The following PYGL variants were observed in gnomAD, a reference collection of about 807,000 sequenced individuals.
PYGL encodes glycogen phosphorylase, liver form.
A neutral mutation model predicts 100.1 loss-of-function variants in PYGL; 90 were observed. That is an observed-to-expected ratio of 0.90 (90% CI 0.76 to 1.07). The LOEUF (loss-of-function observed/expected upper bound fraction) is 1.07, where lower values mean the gene tolerates loss of function less well. Ranked by LOEUF, PYGL falls within the 50% of genes least tolerant of loss-of-function variation. The probability of loss-of-function intolerance (pLI) is 0.00; values close to 1 mark genes in which losing one functional copy is unlikely to be tolerated. For missense variants in PYGL, 1,016 were observed against 1,057.6 expected (o/e 0.96, Z 0.55); for synonymous variants, 373 against 393.0 (o/e 0.95, Z 0.60).
intron 4 of PYGL, among the ~76,000 whole-genome samples, chr14:50,930,361 C>T (rs149119645): frequency 0.012 from 1,879 of 152,310 alleles, 87 homozygotes; most frequent in Admixed American, 0.099. Context: ...AGACAGCATA[C>T]CTCATAAAAG....
chr14:50,914,345 A>T (rs934932409), intron 12 of PYGL, among the ~76,000 whole-genome samples: 2 of 152,088 alleles, frequency 1.3e-5, no homozygotes, highest in African/African-American at 4.8e-5. Flanking sequence ...AAAAATACAA[A>T]AATTAGCTGG....
rs747876301 is a variant in PYGL at position 50,909,848 on chromosome 14, A to AG, written c.2177+46dup. 1.5e-5 allele frequency: 24 copies of AG among 1,601,078 alleles called. No homozygotes were observed. The African/African-American group carries it at 2.1e-4, about 14-fold the overall frequency. ...AGCCCTCTGAGGTCACATACCTTCT[A>AG]GGGGGGAGGGGCAGTCCTGCCTAGC... On this transcript the variant is annotated intron_variant, in intron 17 of 19. Coordinates refer to ENST00000216392, the MANE Select transcript of PYGL (RefSeq NM_002863.5).
Position 50,922,371 on chromosome 14 carries a change from A to G in PYGL, c.661-1304T>C, listed in dbSNP as rs75070987. On this transcript the variant is annotated intron_variant, in intron 5 of 19. Transcript: ENST00000216392. ...ACATATACTCAGTCATACTTTCGTGATCACCGCGACCTCAAAGTAATAAAT... is the reference window on the plus strand; with the variant it reads ...ACATATACTCAGTCATACTTTCGTGGTCACCGCGACCTCAAAGTAATAAAT... Among the ~76,000 whole-genome samples, 1,366 of 152,290 alleles carry G rather than the reference A, an allele frequency of 9.0e-3. 38 individuals carry two copies. Among genetic ancestry groups the G allele is most frequent in the East Asian group, 0.059 (308 of 5,182 alleles).
chr14:50,908,089 G>A, intron 19 of PYGL, 182 bp downstream of exon 19: 1 of 520,002 alleles, frequency 1.9e-6, no homozygotes, highest in Non-Finnish European at 3.4e-6. Flanking sequence ...CCTGAACTTG[G>A]GAAAAGACAA....
intron 7 of PYGL, among the ~76,000 whole-genome samples, chr14:50,920,129 G>C (rs1299906768): frequency 1.3e-5 from 2 of 152,154 alleles, no homozygotes; most frequent in Non-Finnish European, 2.9e-5. Flanking sequence ...CTAGCATCAG[G>C]GCAGAGGACC....
At chr14:50,937,902 C>G (rs1337895615) in intron 1 of PYGL, 65 bp from the exon 2 acceptor site, 1 of 1,402,328 alleles carries the variant, frequency 7.1e-7, no homozygotes, top group Non-Finnish European at 1.0e-6. Context: ...CATAAAAACA[C>G]AAGGTCATGT....
chr14:50,908,962 G>C lies in PYGL; in HGVS notation c.2178-7C>G. The C allele has an allele frequency of 6.3e-7, 1 of 1,584,198 alleles. No homozygotes were observed. Among genetic ancestry groups the C allele is most frequent in the Non-Finnish European group, 8.6e-7 (1 of 1,162,962 alleles). On this transcript the variant is annotated splice_polypyrimidine_tract_variant and splice_region_variant and intron_variant, in intron 17 of 19. Transcript: ENST00000216392. ...GTATTCTTTTGCCTCGTACCTGTGG[G>C]GTAGGGGTGGGTGGGTGATAAAAAA... is the stretch of plus-strand genomic sequence containing the variant.
intron 1 of PYGL, among the ~76,000 whole-genome samples, chr14:50,940,007 C>T (rs1288690331): frequency 6.6e-6 from 1 of 152,192 alleles, no homozygotes; most frequent in Non-Finnish European, 1.5e-5. Context: ...CTTTCCAGAA[C>T]ACATCATCTT....
In PYGL at chr14:50,915,897, G is replaced by C. The variant is rs148410318; in HGVS notation, c.1167C>G (p.Pro389=). ...GGAGCAGCTTCTCCACCAGGTCCAC[G>C]GGCCAGCGCTCCAGGGCTTCCGGGA... The part of the protein sequence containing the change: ...TVLPEALERW[P]VDLVEKLLPR... The change falls in exon 10 of 20, where the codon CCC becomes CCG. Residue 389 remains proline (P), a synonymous_variant. Transcript: ENST00000216392. The C allele has an allele frequency of 1.3e-5, 21 of 1,614,046 alleles. No individual in the cohort carries two copies. The highest frequency in any genetic ancestry group is 8.9e-5 in the East Asian group (4 of 44,896).
chr14:50,941,765 C>T (rs1189784234), intron 1 of PYGL, among the ~76,000 whole-genome samples: 1 of 152,158 alleles, frequency 6.6e-6, no homozygotes, highest in African/African-American at 2.4e-5. Context: ...GTAATCCCAG[C>T]TACTCAGGAG....
In PYGL at chr14:50,931,212, G is replaced by T. The variant is rs141462928; in HGVS notation, c.528+461C>A. Among the ~76,000 whole-genome samples, 6 of 152,318 alleles carry T rather than the reference G, an allele frequency of 3.9e-5. No individual in the cohort carries two copies. The East Asian group carries it at 1.2e-3, about 29-fold the overall frequency. On this transcript the variant is annotated intron_variant, in intron 4 of 19. Transcript: ENST00000216392. ...CCTGGGAATCTGGGGATACAGACAT[G>T]TATTGGCCAGCAGTGTGATCTGAGG...
At position 50,908,805 on chromosome 14, in the gene PYGL, T is replaced by C; in HGVS notation, c.2312+16A>G. 1 of 1,549,272 alleles carries C rather than the reference T, an allele frequency of 6.5e-7. No homozygotes were observed. The highest frequency in any genetic ancestry group is 1.4e-5 in the African/African-American group (1 of 73,486). On this transcript the variant is annotated intron_variant, in intron 18 of 19. Coordinates refer to ENST00000216392, the MANE Select transcript of PYGL (RefSeq NM_002863.5). The stretch of plus-strand genomic sequence containing the variant: ...TTTCATGATCCAAATAGCACCATCT[T>C]CTTATGGGAACTCACCTGTCATGAT...
At chr14:50,905,742 A>C (rs1421045026) in intron 19 of PYGL, among the ~76,000 whole-genome samples, 186 bp from the exon 20 acceptor site, 3 of 152,218 alleles carry the variant, frequency 2.0e-5, no homozygotes, top group Non-Finnish European at 4.4e-5. Context: ...TCATATTTAG[A>C]GTATAATTCT....
chr14:50,920,827 G>T, intron 6 of PYGL, 129 bp downstream of exon 6: 1 of 1,067,778 alleles, frequency 9.4e-7, no homozygotes, highest in Non-Finnish European at 1.4e-6. Flanking sequence ...TACAATGCCT[G>T]CTTAGTCAGT....
At chr14:50,908,552 G>A (rs537085436) in intron 18 of PYGL, among the ~76,000 whole-genome samples, 1 of 152,326 alleles carries the variant, frequency 6.6e-6, no homozygotes, top group Non-Finnish European at 1.5e-5. Flanking sequence ...TGGAAGTTGG[G>A]AATATCAGTG....
At position 50,905,433 on chromosome 14, in the gene PYGL, T is replaced by C; in HGVS notation, c.2503A>G (p.Ile835Val). ...TTGTTAGATTCATTGGATAGAGAAATCTTTAGATCTGAAGGTTCCACGTTC... is the reference window on the plus strand; with the variant it reads ...TTGTTAGATTCATTGGATAGAGAAACCTTTAGATCTGAAGGTTCCACGTTC... ...IWNVEPSDLK[I>V]SLSNESNKVN... The change falls in exon 20 of 20, where the codon ATT becomes GTT. Residue 835 changes from isoleucine (I) to valine (V), a missense_variant. Coordinates refer to ENST00000216392, the MANE Select transcript of PYGL (RefSeq NM_002863.5). 2.5e-6 allele frequency: 4 copies of C among 1,613,782 alleles called. No homozygotes were observed. Among genetic ancestry groups the C allele is most frequent in the Non-Finnish European group, 3.4e-6 (4 of 1,179,656 alleles).
In PYGL at chr14:50,944,284, C is replaced by T. The variant is rs771057372; in HGVS notation, c.120G>A (p.Leu40=). The T allele has an allele frequency of 6.2e-7, 1 of 1,614,004 alleles. No homozygotes were observed. The highest frequency in any genetic ancestry group is 1.1e-5 in the South Asian group (1 of 91,090). ...TGGTGGCCACGTTGCGGTCCTTGAC[C>T]AGCGTGAAGTGCAGGTGCCGGTTGA... ...KSFNRHLHFT[L]VKDRNVATTR... Residue 40 remains leucine, a synonymous_variant, in exon 1 of 20, where the codon CTG becomes CTA. Transcript: ENST00000216392.
rs188462859 is a variant in PYGL, at chr14:50,942,406, G to A, written c.243+1755C>T. Among the ~76,000 whole-genome samples, 15 of 140,340 alleles carry A rather than the reference G, an allele frequency of 1.1e-4. 5 individuals are homozygous for A. The highest frequency in any genetic ancestry group is 5.7e-4 in the Admixed American group (7 of 12,252). 92.1% of individuals were successfully genotyped at this position (140,340 alleles called of 152,430 possible). On this transcript the variant is annotated intron_variant, in intron 1 of 19. Coordinates refer to ENST00000216392, the MANE Select transcript of PYGL (RefSeq NM_002863.5). ...ATGATGCTAAATGCTACAGAGGCGT[G>A]AGTGTGTGTTTCTAATATATGCTCA...
intron 19 of PYGL, among the ~76,000 whole-genome samples, chr14:50,907,872 T>C (rs151097501): frequency 0.028 from 4,177 of 151,770 alleles, 85 homozygotes; most frequent in African/African-American, 0.056. Context: ...ACGGTGAAAC[T>C]CCATCTCCAC....
Sources: allele counts gnomAD v4.1 joint callset (sites outside exome capture counted in the v4.1 genomes callset), GRCh38; gene constraint gnomAD v4.1.1; transcripts MANE v1.5; gene names NCBI Gene and HGNC (gene_info 2026-07-23, HGNC 2026-07-21).